ABCB4: variants seen among roughly 807,000 people sequenced by gnomAD.
ABCB4 encodes phosphatidylcholine translocator ABCB4.
A neutral mutation model predicts 145.7 loss-of-function variants in ABCB4; 76 were observed. That is an observed-to-expected ratio of 0.52 (90% confidence interval 0.43 to 0.63). ABCB4 has a LOEUF of 0.63. ABCB4 is among the 30% of genes least tolerant of loss of function. ABCB4 has a pLI of 0.00. For missense variants in ABCB4, 1,234 were observed against 1,553.1 expected (o/e 0.79, Z 3.45); for synonymous variants, 517 against 566.8 (o/e 0.91, Z 1.25).
intron 23 of ABCB4, among the ~76,000 whole-genome samples, chr7:87,410,913 A>C (rs1464082421): frequency 6.6e-6 from 1 of 152,202 alleles, no homozygotes; most frequent in Non-Finnish European, 1.5e-5. Context: ...GAAAGCACCT[A>C]TGCTGAGTTC....
intron 14 of ABCB4, among the ~76,000 whole-genome samples, chr7:87,433,666 A>AT (rs368823723): frequency 7.5e-6 from 1 of 133,052 alleles, no homozygotes; most frequent in African/African-American, 2.8e-5. Flanking sequence ...GACACAAAAA[A>AT]TTGTTGTTGT....
rs62486550 is a variant in ABCB4, at chr7:87,426,793, G to A, written c.2021C>T (p.Ser674Leu). 1 of 1,613,862 alleles carries A rather than the reference G, an allele frequency of 6.2e-7. No homozygotes were observed. The highest frequency in any genetic ancestry group is 8.5e-7 in the Non-Finnish European group (1 of 1,179,934). ...RHSTQKNLKN[S>L]QMCQKSLDVE... ...ATCAAGGCTCTTCTGACACATTTGT[G>A]AATTTTTAAGGTTTTTCTGAGTAGA... The change falls in exon 16 of 28, where the codon TCA becomes TTA. Residue 674 changes from serine (S) to leucine (L), a missense_variant. Physicochemically the swap from Ser to Leu is moderately radical, Grantham distance 145. This residue lies in a region of ABCB4 where 321 missense variants were observed against 332.6 expected (regional missense o/e 0.97). Coordinates refer to ENST00000649586, the MANE Select transcript of ABCB4 (RefSeq NM_000443.4).
the ABCB4 span, among the ~76,000 whole-genome samples, chr7:87,396,404 TGTTAG>T: frequency 6.6e-6 from 1 of 152,322 alleles, no homozygotes; most frequent in Non-Finnish European, 1.5e-5. Context: ...CCAGAACTGA[TGTTAG>T]ATAATCTCAC....
intron 7 of ABCB4, 121 bp from the exon 8 acceptor site, chr7:87,450,213 T>G (rs1201907716): frequency 1.5e-6 from 2 of 1,346,566 alleles, no homozygotes; most frequent in South Asian, 1.2e-5. Flanking sequence ...ATTAAAGTCA[T>G]GTAGCAAATG....
intron 3 of ABCB4, among the ~76,000 whole-genome samples, chr7:87,470,295 G>A (rs1173900074): frequency 6.6e-6 from 1 of 152,122 alleles, no homozygotes; most frequent in Non-Finnish European, 1.5e-5. Flanking sequence ...ATACCATTCA[G>A]GACATAGGCA....
At chr7:87,389,510 A>G in the ABCB4 span, among the ~76,000 whole-genome samples, 1 of 152,116 alleles carries the variant, frequency 6.6e-6, no homozygotes, top group African/African-American at 2.4e-5. Flanking sequence ...ATTCTCAACA[A>G]ACTAACACAG....
At chr7:87,467,255 C>T (rs535689790) in intron 3 of ABCB4, among the ~76,000 whole-genome samples, 21 of 152,270 alleles carry the variant, frequency 1.4e-4, no homozygotes, top group Middle Eastern at 6.8e-3. Flanking sequence ...CAATCCTAGT[C>T]TCTGATAAAA....
downstream of ABCB4, among the ~76,000 whole-genome samples, chr7:87,401,246 C>T (rs983863955): frequency 2.0e-5 from 3 of 152,082 alleles, no homozygotes; most frequent in South Asian, 2.1e-4. Flanking sequence ...CCTGATAGAG[C>T]GCTAAGAACT....
chr7:87,426,661 G>C (rs750734881), intron 16 of ABCB4, 89 bp downstream of exon 16: 76 of 1,365,116 alleles, frequency 5.6e-5, no homozygotes, highest in Non-Finnish European at 7.7e-5. Context: ...AGTCATCTGT[G>C]CCTGAAAAAT....
rs750188186 is a variant in ABCB4 at position 87,440,287 on chromosome 7, C to A, written c.1472G>T (p.Cys491Phe). The change falls in exon 13 of 28, where the codon TGT (cysteine) becomes TTT (phenylalanine). Residue 491 changes from cysteine to phenylalanine, a missense_variant. Cys to Phe is a radical substitution (Grantham distance 205). Around this residue, in one of 7 missense-constraint regions of ABCB4, gnomAD observed 467 missense variants for 632.8 expected, o/e 0.74. Transcript: ENST00000649586. ...LFSTTIAENI[C>F]YGRGNVTMDE... The stretch of plus-strand genomic sequence containing the variant: ...CATGGTTACATTTCCACGGCCATAA[C>A]AAATATTTTCAGCAATTGTGGTGGA... The A allele has an allele frequency of 6.2e-7, 1 of 1,614,118 alleles. No individual in the cohort carries two copies.
the ABCB4 span, among the ~76,000 whole-genome samples, chr7:87,372,247 T>C: frequency 6.6e-6 from 1 of 152,232 alleles, no homozygotes; most frequent in Non-Finnish European, 1.5e-5. Context: ...TAATCTTTTA[T>C]ACATTATGTG....
At chr7:87,376,777 A>G in the ABCB4 span, among the ~76,000 whole-genome samples, 29 of 152,174 alleles carry the variant, frequency 1.9e-4, no homozygotes, top group African/African-American at 6.0e-4. Flanking sequence ...GTGTATATGC[A>G]TGCAAACACA....
chr7:87,368,070 A>T, the ABCB4 span, among the ~76,000 whole-genome samples: 2 of 150,948 alleles, frequency 1.3e-5, no homozygotes, highest in Non-Finnish European at 3.0e-5. Context: ...CTTATCTACC[A>T]CTCTATCCTT....
the ABCB4 span, chr7:87,382,081 A>T: frequency 6.2e-7 from 1 of 1,610,218 alleles, no homozygotes. Flanking sequence ...CAGGGTTCAG[A>T]GAAGGTACGA....
intron 3 of ABCB4, among the ~76,000 whole-genome samples, chr7:87,469,035 G>A (rs112515139): frequency 0.22 from 33,281 of 151,678 alleles, 3,910 homozygotes; most frequent in African/African-American, 0.3. Context: ...ATGATCAAGT[G>A]GGCTTCACCC....
intron 23 of ABCB4, among the ~76,000 whole-genome samples, chr7:87,410,222 A>G (rs1336593552): frequency 6.6e-6 from 1 of 152,196 alleles, no homozygotes; most frequent in East Asian, 1.9e-4. Context: ...CAACTTCACA[A>G]AGCAATTTAC....
At chr7:87,467,392 A>G (rs2116937702) in intron 3 of ABCB4, among the ~76,000 whole-genome samples, 1 of 152,332 alleles carries the variant, frequency 6.6e-6, no homozygotes, top group East Asian at 1.9e-4. Flanking sequence ...GAGCACCAAG[A>G]TTCATAAAGC....
the ABCB4 span, among the ~76,000 whole-genome samples, chr7:87,384,197 C>T: frequency 6.6e-6 from 1 of 152,062 alleles, no homozygotes; most frequent in African/African-American, 2.4e-5. Flanking sequence ...TTTTCATATA[C>T]TTGTTGGCTG....
intron 27 of ABCB4, 129 bp downstream of exon 27, chr7:87,403,006 A>G: frequency 9.1e-7 from 1 of 1,099,418 alleles, no homozygotes; most frequent in South Asian, 1.3e-5. Flanking sequence ...AAAAAAATAA[A>G]AATAAAAACC....
Sources: allele counts gnomAD v4.1 joint callset (sites outside exome capture counted in the v4.1 genomes callset), GRCh38; gene constraint gnomAD v4.1.1; regional missense constraint gnomAD v4.1.1; transcripts MANE v1.5; gene names NCBI Gene and HGNC (gene_info 2026-07-23, HGNC 2026-07-21).